F13A1: variants seen among roughly 807,000 people sequenced by gnomAD.
F13A1 encodes the protein coagulation factor XIII A chain, also known as FSF, A subunit.
F13A1 carries 47 observed loss-of-function variants against 80.1 expected under a neutral mutation model. That is an observed-to-expected ratio of 0.59 (90% CI 0.46 to 0.75). The LOEUF is 0.75. F13A1 is among the 30% of genes least tolerant of loss of function. The pLI, the probability that F13A1 is intolerant of heterozygous loss-of-function variation, is 0.00. For synonymous variants in F13A1, 349 were observed against 344.9 expected (o/e 1.01, Z -0.13); for missense variants, 817 against 930.4 (o/e 0.88, Z 1.59).
intron 6 of F13A1, among the ~76,000 whole-genome samples, chr6:6,235,569 C>T (rs1757403362): frequency 6.6e-6 from 1 of 151,904 alleles, no homozygotes; most frequent in African/African-American, 2.4e-5. Context: ...AAATGCAAAT[C>T]AAAACCACAG....
At chr6:6,269,696 G>GT (rs201175261) in intron 3 of F13A1, among the ~76,000 whole-genome samples, 3,053 of 145,636 alleles carry the variant, frequency 0.021, 86 homozygotes, top group African/African-American at 0.067. Context: ...CTTACCTACT[G>GT]TTTTTTTTTT....
intron 6 of F13A1, 137 bp downstream of exon 6, chr6:6,248,175 G>T: frequency 1.3e-6 from 1 of 767,634 alleles, no homozygotes; most frequent in Non-Finnish European, 2.3e-6. Context: ...CTATAACTGG[G>T]TGTCAGAAGC....
At position 6,278,446 on chromosome 6, in the gene F13A1, C is replaced by G. The variant is rs1389546957; in HGVS notation, c.320-11637G>C. Reference sequence around the variant, plus strand: ...GACAGGTGTCATCAGTGCAAAGACCCTGTGGGAGGTGGTACTTGGCATGCT... The same window carrying G: ...GACAGGTGTCATCAGTGCAAAGACCGTGTGGGAGGTGGTACTTGGCATGCT... On this transcript the variant is annotated intron_variant, in intron 3 of 14. Coordinates refer to ENST00000264870, the MANE Select transcript of F13A1 (RefSeq NM_000129.4). Among the ~76,000 whole-genome samples the G allele has an allele frequency of 9.2e-5, 14 of 152,108 alleles. 1 individual carries two copies. The highest frequency in any genetic ancestry group is 7.2e-4 in the Admixed American group (11 of 15,264).
At chr6:6,294,553 TAC>T (rs987145854) in intron 3 of F13A1, among the ~76,000 whole-genome samples, 1 of 150,326 alleles carries the variant, frequency 6.7e-6, no homozygotes, top group Non-Finnish European at 1.5e-5. Flanking sequence ...TATATATATA[TAC>T]ACACACGTAT....
intron 11 of F13A1, among the ~76,000 whole-genome samples, chr6:6,177,647 A>G (rs1379157356): frequency 3.3e-5 from 5 of 152,240 alleles, no homozygotes; most frequent in Non-Finnish European, 7.3e-5. Context: ...ATTCATTCAA[A>G]TCATCTCATG....
At chr6:6,164,776 C>T (rs1043106884) in intron 13 of F13A1, among the ~76,000 whole-genome samples, 2 of 149,122 alleles carry the variant, frequency 1.3e-5, no homozygotes, top group Non-Finnish European at 3.0e-5. Context: ...CCTCCCCTCC[C>T]CTCCCTCCAT....
chr6:6,284,981 G>C (rs1758115938), intron 3 of F13A1, among the ~76,000 whole-genome samples: 1 of 152,200 alleles, frequency 6.6e-6, no homozygotes, highest in Non-Finnish European at 1.5e-5. Flanking sequence ...TTCATTGTTT[G>C]TGGAATTCCT....
At position 6,295,556 on chromosome 6, in the gene F13A1, T is replaced by C. The variant is rs1268317179; in HGVS notation, c.319+9795A>G. Reference sequence around the variant, plus strand: ...CATAAATGTCTTCTTTTGAGAAGTGTCTGTTCATATCCTTCGCCCACTTTT... The same window carrying C: ...CATAAATGTCTTCTTTTGAGAAGTGCCTGTTCATATCCTTCGCCCACTTTT... On this transcript the variant is annotated intron_variant, in intron 3 of 14. Coordinates refer to ENST00000264870, the MANE Select transcript of F13A1 (RefSeq NM_000129.4). Among the ~76,000 whole-genome samples, 9 of 146,482 alleles carry C rather than the reference T, an allele frequency of 6.1e-5. No homozygotes were observed. The East Asian group carries it at 9.7e-4, about 16-fold the overall frequency.
chr6:6,289,757 C>G (rs1354461847), intron 3 of F13A1, among the ~76,000 whole-genome samples: 1 of 152,054 alleles, frequency 6.6e-6, no homozygotes, highest in Non-Finnish European at 1.5e-5. Flanking sequence ...AACTTCTTAT[C>G]AAGTCATACA....
intron 10 of F13A1, among the ~76,000 whole-genome samples, chr6:6,193,247 T>C (rs76147131): frequency 0.022 from 3,411 of 152,284 alleles, 118 homozygotes; most frequent in African/African-American, 0.076. Context: ...GGCTCTGCTT[T>C]CACTCATGGA....
chr6:6,269,836 C>G lies in F13A1; in HGVS notation c.320-3027G>C, dbSNP rs186694494. 8.5e-4 allele frequency among the ~76,000 whole-genome samples: 129 copies of G among 152,178 alleles called. 1 individual carries two copies. In the East Asian group the frequency reaches 0.014, roughly 17 times the overall value. ...TCATGCCATTCTCCTGCCTCAGCCT[C>G]CCTAGTAGCTGGGATTACAGGCGCC... On this transcript the variant is annotated intron_variant, in intron 3 of 14. Transcript: ENST00000264870.
At chr6:6,190,094 T>C (rs1761158733) in intron 10 of F13A1, among the ~76,000 whole-genome samples, 3 of 152,132 alleles carry the variant, frequency 2.0e-5, no homozygotes, top group South Asian at 4.1e-4. Flanking sequence ...TAAGCACTTC[T>C]CTGTATTGGT....
intron 10 of F13A1, among the ~76,000 whole-genome samples, chr6:6,186,482 C>G (rs1445893727): frequency 6.6e-6 from 1 of 152,210 alleles, no homozygotes; most frequent in Non-Finnish European, 1.5e-5. Flanking sequence ...AATAGGGAAT[C>G]CTTTCCCCAT....
intron 7 of F13A1, among the ~76,000 whole-genome samples, chr6:6,223,848 G>A (rs938930922): frequency 1.3e-5 from 2 of 152,060 alleles, no homozygotes; most frequent in Non-Finnish European, 2.9e-5. Flanking sequence ...CTTTATTAAT[G>A]AGCAGGCAGA....
chr6:6,181,535 A>G (rs3024441), intron 11 of F13A1, among the ~76,000 whole-genome samples: 4,866 of 152,340 alleles, frequency 0.032, 270 homozygotes, highest in African/African-American at 0.11. Context: ...ATATTGTATT[A>G]TCTACGTTGT....
intron 13 of F13A1, among the ~76,000 whole-genome samples, chr6:6,160,941 TCTC>T (rs1227029466): frequency 3.3e-5 from 5 of 152,116 alleles, no homozygotes; most frequent in Non-Finnish European, 7.4e-5. Context: ...GGTTATGTTT[TCTC>T]CTAGCAAAAT....
rs1165398399 is a variant in F13A1, at chr6:6,162,259, G to A, written c.1908+5199C>T. 1.8e-5 allele frequency among the ~76,000 whole-genome samples: 1 copy of A among 55,824 alleles called. No individual in the cohort carries two copies. Among genetic ancestry groups the A allele is most frequent in the Non-Finnish European group, 4.7e-5 (1 of 21,116 alleles). The allele number at this position is 55,824 out of a possible 152,430, so 36.6% of individuals were successfully genotyped here. ...TTACCCTTACTCATCCCTGCTCCCA[G>A]CCTCCACCCCAGCCAAGGCACGCTT... is the stretch of plus-strand genomic sequence containing the variant. On this transcript the variant is annotated intron_variant, in intron 13 of 14. Coordinates refer to ENST00000264870, the MANE Select transcript of F13A1 (RefSeq NM_000129.4). This position sits in a 1 kb window ranked among gnomAD's most constrained non-coding sequence, Gnocchi z 4.2.
At chr6:6,235,974 A>T (rs1742919) in intron 6 of F13A1, among the ~76,000 whole-genome samples, 6,306 of 152,230 alleles carry the variant, frequency 0.041, 181 homozygotes, top group Non-Finnish European at 0.061. Context: ...AATAAAGAGG[A>T]ATGAACTACT....
chr6:6,319,396 A>G (rs1050894350), intron 1 of F13A1, among the ~76,000 whole-genome samples: 4 of 152,078 alleles, frequency 2.6e-5, no homozygotes, highest in South Asian at 2.1e-4. Flanking sequence ...TGGGCATGCA[A>G]TTTTCAATAG....
Sources: allele counts gnomAD v4.1 joint callset (sites outside exome capture counted in the v4.1 genomes callset), GRCh38; gene constraint gnomAD v4.1.1; non-coding constraint Gnocchi (gnomAD v3.1); transcripts MANE v1.5; gene names NCBI Gene and HGNC (gene_info 2026-07-23, HGNC 2026-07-21).